The following OR5M11 variants were observed in gnomAD, a reference collection of about 807,000 sequenced individuals.
OR5M11 encodes the protein olfactory receptor 5M11.
For missense variants in OR5M11, 411 were observed against 375.8 expected, an observed-to-expected ratio of 1.09 and a Z score of -0.77; for synonymous variants, 183 against 147.7, an observed-to-expected ratio of 1.24 and a Z score of -1.73.
rs753074180 is a variant in OR5M11 at position 56,542,433 on chromosome 11, G to T, written c.825C>A (p.Val275=). 4 of 1,613,418 alleles carry T rather than the reference G, an allele frequency of 2.5e-6. No homozygotes were observed. Among genetic ancestry groups the T allele is most frequent in the African/African-American group, 2.7e-5 (2 of 74,900 alleles). ...KTVEESKIIA[V]FYTFVSPVLN... ...GTACCGGACTCACAAAGGTGTAAAA[G>T]ACAGCTATTATTTTAGATTCCTCAA... is the stretch of plus-strand genomic sequence containing the variant. The change falls in exon 1 of 1, where the codon GTC becomes GTA. Residue 275 remains valine (V), a synonymous_variant. Transcript: ENST00000528616.
rs1852862220 is a variant in OR5M11, at chr11:56,543,181, A to G, written c.77T>C (p.Leu26Pro). ...GLTDCPELQS[L>P]LFVLFLVVYL... The stretch of plus-strand genomic sequence containing the variant: ...AACAACCAGAAACAGCACAAAAAGC[A>G]GAGACTGGAGTTCCGGGCAATCTGT... Residue 26 changes from leucine to proline, a missense_variant, in exon 1 of 1, where the codon CTG becomes CCG. Physicochemically the swap from Leu to Pro is moderately conservative, Grantham distance 98. Transcript: ENST00000528616. 2.5e-6 allele frequency: 4 copies of G among 1,613,914 alleles called. No homozygotes were observed. The East Asian group carries it at 8.9e-5, about 36-fold the overall frequency.
Position 56,542,715 on chromosome 11 carries a change from C to CG in OR5M11, c.542dup (p.Pro182AlafsTer4), listed in dbSNP as rs776047016. On this transcript the variant is annotated frameshift_variant, in exon 1 of 1. Transcript: ENST00000528616. LOFTEE classifies it low-confidence loss of function (END_TRUNC). ...CAGAACAAGAAAGCTTAATGAGCGG[C>CG]GGGTCAGCACAGTAGAAGTGGTTGA... 6.2e-7 allele frequency: 1 copy of CG among 1,613,700 alleles called. No homozygotes were observed. Among genetic ancestry groups the CG allele is most frequent in the African/African-American group, 1.3e-5 (1 of 74,986 alleles).
Position 56,543,132 on chromosome 11 carries a change from G to T in OR5M11, c.126C>A (p.Asn42Lys). The T allele has an allele frequency of 6.2e-7, 1 of 1,613,916 alleles. No homozygotes were observed. Among genetic ancestry groups the T allele is most frequent in the Non-Finnish European group, 8.5e-7 (1 of 1,179,874 alleles). ...GTCTCATTAACATTATCATGCCCAG[G>T]TTGCCTAGCAGGGTGACGAGGTAAA... ...LVVYLVTLLG[N>K]LGMIMLMRLD... is the part of the protein sequence containing the mutation. Residue 42 changes from asparagine (N) to lysine (K), a missense_variant, in exon 1 of 1, where the codon AAC (asparagine) becomes AAA (lysine). Physicochemically the swap from Asn to Lys is moderately conservative, Grantham distance 94. Coordinates refer to ENST00000528616, the MANE Select transcript of OR5M11 (RefSeq NM_001005245.1).
At position 56,542,912 on chromosome 11, in the gene OR5M11, C is replaced by T; in HGVS notation, c.346G>A (p.Ala116Thr). ...LLLTEFYMLA[A>T]MAYDRYVAIY... ...GCCACATAGCGGTCATAGGCCATTG[C>T]TGCCAGCATGTAAAACTCAGTGAGT... Residue 116 changes from alanine to threonine, a missense_variant, in exon 1 of 1, where the codon GCA becomes ACA. By Grantham distance (58) the Ala-to-Thr change is moderately conservative. Transcript: ENST00000528616. 3.1e-6 allele frequency: 5 copies of T among 1,614,020 alleles called. No homozygotes were observed. The highest frequency in any genetic ancestry group is 4.2e-6 in the Non-Finnish European group (5 of 1,179,980).
chr11:56,542,868 G>C lies in OR5M11; in HGVS notation c.390C>G (p.Arg130=). ...DRYVAIYDPL[R]YSVKTSRRVC... is the part of the protein sequence containing the mutation. ...CTCTCCTGGACGTTTTCACACTGTA[G>C]CGCAGAGGGTCATATATGGCCACAT... The change falls in exon 1 of 1, where the codon CGC becomes CGG. Residue 130 remains arginine (R), a synonymous_variant. Coordinates refer to ENST00000528616, the MANE Select transcript of OR5M11 (RefSeq NM_001005245.1). The C allele has an allele frequency of 6.2e-7, 1 of 1,614,052 alleles. No homozygotes were observed. Among genetic ancestry groups the C allele is most frequent in the Non-Finnish European group, 8.5e-7 (1 of 1,180,002 alleles).
rs764909148 is a variant in OR5M11 at position 56,543,249 on chromosome 11, G to T, written c.9C>A (p.Asn3Lys). Residue 3 changes from asparagine to lysine, a missense_variant, in exon 1 of 1, where the codon AAC becomes AAA. Coordinates refer to ENST00000528616, the MANE Select transcript of OR5M11 (RefSeq NM_001005245.1). MS[N>K]TNGSAITEFI... Reference sequence around the variant, plus strand: ...ATTCTGTGATTGCACTGCCATTTGTGTTGGACATTTCCTGACAGTTTGCTC... The same window carrying T: ...ATTCTGTGATTGCACTGCCATTTGTTTTGGACATTTCCTGACAGTTTGCTC... The T allele has an allele frequency of 3.7e-6, 6 of 1,611,462 alleles. No homozygotes were observed. The South Asian group carries it at 4.4e-5, about 12-fold the overall frequency.
rs144332728 is a variant in OR5M11 at position 56,542,673 on chromosome 11, C to T, written c.585G>A (p.Glu195=). The part of the protein sequence containing the change: ...KLSCSDTYVK[E]HAMFISAGFN... ...AGCCAGCAGATATGAACATGGCATG[C>T]TCTTTGACATAAGTATCAGAACAAG... The change falls in exon 1 of 1, where the codon GAG becomes GAA. Residue 195 remains glutamate (E), a synonymous_variant. Transcript: ENST00000528616. 930 of 1,613,880 alleles carry T rather than the reference C, an allele frequency of 5.8e-4. 4 individuals carry two copies. The African/African-American group carries it at 0.01, about 17-fold the overall frequency.
At position 56,542,906 on chromosome 11, in the gene OR5M11, C is replaced by T; in HGVS notation, c.352G>A (p.Ala118Thr). ...LTEFYMLAAM[A>T]YDRYVAIYDP... Reference sequence around the variant, plus strand: ...TATATGGCCACATAGCGGTCATAGGCCATTGCTGCCAGCATGTAAAACTCA... The same window carrying T: ...TATATGGCCACATAGCGGTCATAGGTCATTGCTGCCAGCATGTAAAACTCA... The change falls in exon 1 of 1, where the codon GCC becomes ACC. Residue 118 changes from alanine to threonine, a missense_variant. Ala to Thr is a moderately conservative substitution (Grantham distance 58). Transcript: ENST00000528616. The T allele has an allele frequency of 6.2e-7, 1 of 1,613,938 alleles. No individual in the cohort carries two copies. Among genetic ancestry groups the T allele is most frequent in the Middle Eastern group, 1.6e-4 (1 of 6,062 alleles).
chr11:56,543,063 G>A lies in OR5M11; in HGVS notation c.195C>T (p.Asn65=), dbSNP rs746210109. Residue 65 remains asparagine, a synonymous_variant, in exon 1 of 1, where the codon AAC becomes AAT. Transcript: ENST00000528616. ...LHTPMYFFLT[N]LAFVDLCYTS... ...TATAGCACAAATCCACAAAGGCTAA[G>A]TTAGTGAGGAAGAAGTACATGGGCG... The A allele has an allele frequency of 6.2e-7, 1 of 1,613,814 alleles. No individual in the cohort carries two copies. Among genetic ancestry groups the A allele is most frequent in the Admixed American group, 1.7e-5 (1 of 60,030 alleles).
Position 56,542,839 on chromosome 11 carries a change from CA to C in OR5M11, c.418del (p.Cys140AlafsTer22). On this transcript the variant is annotated frameshift_variant, in exon 1 of 1. Transcript: ENST00000528616. LOFTEE classifies it low-confidence loss of function (END_TRUNC). The stretch of plus-strand genomic sequence containing the variant: ...ATAGGGAAATGTGGCCAAGCAGATG[CA>C]AACTCTCCTGGACGTTTTCACACTG... ...RYSVKTSRRV[C>X]ICLATFPYVY... 3 of 1,613,888 alleles carry C rather than the reference CA, an allele frequency of 1.9e-6. No homozygotes were observed. The highest frequency in any genetic ancestry group is 2.5e-6 in the Non-Finnish European group (3 of 1,179,912).
chr11:56,543,131 G>T lies in OR5M11; in HGVS notation c.127C>A (p.Leu43Met). The T allele has an allele frequency of 1.9e-6, 3 of 1,613,952 alleles. No homozygotes were observed. The South Asian group carries it at 3.3e-5, about 18-fold the overall frequency. Residue 43 changes from leucine to methionine, a missense_variant, in exon 1 of 1, where the codon CTG becomes ATG. Physicochemically the swap from Leu to Met is conservative, Grantham distance 15 (BLOSUM62 2). Transcript: ENST00000528616. ...AGTCTCATTAACATTATCATGCCCA[G>T]GTTGCCTAGCAGGGTGACGAGGTAA... The part of the protein sequence containing the change: ...VVYLVTLLGN[L>M]GMIMLMRLDS...
chr11:56,542,556 G>C lies in OR5M11; in HGVS notation c.702C>G (p.His234Gln). The change falls in exon 1 of 1, where the codon CAC (histidine) becomes CAG (glutamine). Residue 234 changes from histidine to glutamine, a missense_variant. By Grantham distance (24) the His-to-Gln change is conservative. Coordinates refer to ENST00000528616, the MANE Select transcript of OR5M11 (RefSeq NM_001005245.1). ...ILRIKSAEGR[H>Q]KAFSTCGSHM... ...GGGAACCACAGGTGGAGAATGCCTT[G>C]TGCCTTCCCTCTGCTGATTTGATCC... 1 of 1,613,936 alleles carries C rather than the reference G, an allele frequency of 6.2e-7. No homozygotes were observed. Among genetic ancestry groups the C allele is most frequent in the Non-Finnish European group, 8.5e-7 (1 of 1,179,834 alleles).
In OR5M11 at chr11:56,542,507, A is replaced by AAAAC; in HGVS notation, c.747_750dup (p.Tyr251ValfsTer16). The AAAAC allele has an allele frequency of 1.2e-6, 2 of 1,613,940 alleles. No individual in the cohort carries two copies. The highest frequency in any genetic ancestry group is 1.7e-6 in the Non-Finnish European group (2 of 1,179,838). Reference sequence around the variant, plus strand: ...ATATACATGCAAAAGAGAGTCCCATAAAACAGGGTGACAGCCATCATATGG... The same window carrying AAAAC: ...ATATACATGCAAAAGAGAGTCCCATAAAACAAACAGGGTGACAGCCATCATATGG... On this transcript the variant is annotated frameshift_variant, in exon 1 of 1. Transcript: ENST00000528616. LOFTEE classifies it low-confidence loss of function (END_TRUNC).
rs1365543906 is a variant in OR5M11, at chr11:56,542,742, G to A, written c.516C>T (p.Val172=). ...TFRLTFCRSS[V]INHFYCADPP... Reference sequence around the variant, plus strand: ...GGTCAGCACAGTAGAAGTGGTTGATGACACTGGATCTACAGAAGGTCAGGC... The same window carrying A: ...GGTCAGCACAGTAGAAGTGGTTGATAACACTGGATCTACAGAAGGTCAGGC... Residue 172 remains valine, a synonymous_variant, in exon 1 of 1, where the codon GTC becomes GTT. Coordinates refer to ENST00000528616, the MANE Select transcript of OR5M11 (RefSeq NM_001005245.1). 1.9e-6 allele frequency: 3 copies of A among 1,613,728 alleles called. No individual in the cohort carries two copies. Among genetic ancestry groups the A allele is most frequent in the Non-Finnish European group, 2.5e-6 (3 of 1,179,880 alleles).
At position 56,542,962 on chromosome 11, in the gene OR5M11, T is replaced by C. The variant is rs1852856118; in HGVS notation, c.296A>G (p.Gln99Arg). Residue 99 changes from glutamine (Q) to arginine (R), a missense_variant, in exon 1 of 1, where the codon CAG becomes CGG. Coordinates refer to ENST00000528616, the MANE Select transcript of OR5M11 (RefSeq NM_001005245.1). ...KTISFAGCFTQCYIFIALLLT... is the reference protein window; with the variant it reads ...KTISFAGCFTRCYIFIALLLT... ...TAGAAGGGCAATGAAAATGTAGCAC[T>C]GTGTAAAGCAACCAGCAAAGGAAAT... 6.2e-7 allele frequency: 1 copy of C among 1,613,980 alleles called. No individual in the cohort carries two copies. The highest frequency in any genetic ancestry group is 1.7e-5 in the Admixed American group (1 of 59,980).
chr11:56,542,672 G>A lies in OR5M11; in HGVS notation c.586C>T (p.His196Tyr). ...AAGCCAGCAGATATGAACATGGCAT[G>A]CTCTTTGACATAAGTATCAGAACAA... ...LSCSDTYVKE[H>Y]AMFISAGFNL... is the part of the protein sequence containing the mutation. Residue 196 changes from histidine to tyrosine, a missense_variant, in exon 1 of 1, where the codon CAT (histidine) becomes TAT (tyrosine). His to Tyr is a moderately conservative substitution (Grantham distance 83). Coordinates refer to ENST00000528616, the MANE Select transcript of OR5M11 (RefSeq NM_001005245.1). 1 of 1,613,916 alleles carries A rather than the reference G, an allele frequency of 6.2e-7. No homozygotes were observed. Among genetic ancestry groups the A allele is most frequent in the South Asian group, 1.1e-5 (1 of 91,078 alleles).
Position 56,542,593 on chromosome 11 carries a change from G to T in OR5M11, c.665C>A (p.Ala222Asp), listed in dbSNP as rs369730922. 4 of 1,613,882 alleles carry T rather than the reference G, an allele frequency of 2.5e-6. No individual in the cohort carries two copies. Among genetic ancestry groups the T allele is most frequent in the Non-Finnish European group, 2.5e-6 (3 of 1,179,890 alleles). The change falls in exon 1 of 1, where the codon GCT becomes GAT. Residue 222 changes from alanine (A) to aspartate (D), a missense_variant. By Grantham distance (126) the Ala-to-Asp change is moderately radical (BLOSUM62 -2). Coordinates refer to ENST00000528616, the MANE Select transcript of OR5M11 (RefSeq NM_001005245.1). ...IVLVSYAFIL[A>D]AILRIKSAEG... is the part of the protein sequence containing the mutation. ...TGCTGATTTGATCCGGAGGATGGCA[G>T]CAAGAATGAAGGCATAGGACACCAA...
rs778622605 is a variant in OR5M11 at position 56,543,199 on chromosome 11, C to A, written c.59G>T (p.Cys20Phe). Residue 20 changes from cysteine (C) to phenylalanine (F), a missense_variant, in exon 1 of 1, where the codon TGC becomes TTC. Transcript: ENST00000528616. Reference protein sequence around the residue: ...TEFILLGLTDCPELQSLLFVL... With the variant: ...TEFILLGLTDFPELQSLLFVL... The stretch of plus-strand genomic sequence containing the variant: ...AAAAAGCAGAGACTGGAGTTCCGGG[C>A]AATCTGTGAGCCCAAGTAAAATGAA... 5.6e-6 allele frequency: 9 copies of A among 1,613,780 alleles called. No homozygotes were observed. Among genetic ancestry groups the A allele is most frequent in the South Asian group, 1.1e-5 (1 of 91,066 alleles).
Position 56,542,586 on chromosome 11 carries a change from G to T in OR5M11, c.672C>A (p.Ile224=), listed in dbSNP as rs748145995. 1 of 1,614,014 alleles carries T rather than the reference G, an allele frequency of 6.2e-7. No homozygotes were observed. The highest frequency in any genetic ancestry group is 1.7e-5 in the Admixed American group (1 of 60,020). ...TTCCCTCTGCTGATTTGATCCGGAGGATGGCAGCAAGAATGAAGGCATAGG... is the reference window on the plus strand; with the variant it reads ...TTCCCTCTGCTGATTTGATCCGGAGTATGGCAGCAAGAATGAAGGCATAGG... ...LVSYAFILAA[I]LRIKSAEGRH... is the part of the protein sequence containing the mutation. The change falls in exon 1 of 1, where the codon ATC becomes ATA. Residue 224 remains isoleucine, a synonymous_variant. Transcript: ENST00000528616.
Sources: gnomAD v4.1 joint callset for allele counts on GRCh38, gnomAD v4.1.1 for gene constraint, MANE v1.5 for transcripts, NCBI Gene and HGNC (gene_info 2026-07-23, HGNC 2026-07-21) for gene names.